The following SOBP variants were observed in gnomAD, a reference collection of about 807,000 sequenced individuals.
The protein encoded by SOBP is sine oculis binding protein homolog.
Under a neutral mutation model 53.6 loss-of-function variants are expected in SOBP, and 4 were observed. That is an observed-to-expected ratio of 0.07 (90% confidence interval 0.04 to 0.17). The LOEUF (loss-of-function observed/expected upper bound fraction) is 0.17, where lower values mean the gene tolerates loss of function less well. SOBP is among the 10% of genes least tolerant of loss of function. The pLI is 1.00. For synonymous variants in SOBP, 584 were observed against 522.6 expected, an observed-to-expected ratio of 1.12 and a Z score of -1.60; for missense variants, 1,088 against 1,204.7, an observed-to-expected ratio of 0.90 and a Z score of 1.43.
chr6:107,506,103 G>C, intron 2 of SOBP, 139 bp from the exon 3 acceptor site: 1 of 743,528 alleles, frequency 1.3e-6, no homozygotes, highest in Non-Finnish European at 2.3e-6. Context: ...GAACTGTGGA[G>C]TTCTAGTACA....
intron 1 of SOBP, among the ~76,000 whole-genome samples, chr6:107,495,305 C>G (rs1261114510): frequency 6.6e-6 from 1 of 152,202 alleles, no homozygotes; most frequent in African/African-American, 2.4e-5. Context: ...AGGCTCCAAG[C>G]TAAACCCATA....
At chr6:107,593,347 C>T (rs192548597) in intron 5 of SOBP, among the ~76,000 whole-genome samples, 1 of 152,292 alleles carries the variant, frequency 6.6e-6, no homozygotes, top group African/African-American at 2.4e-5. Flanking sequence ...CTTTCCAGAG[C>T]ATGGGGGATC....
intron 5 of SOBP, among the ~76,000 whole-genome samples, chr6:107,609,801 C>T (rs966235473): frequency 1.3e-5 from 2 of 152,096 alleles, no homozygotes; most frequent in Non-Finnish European, 2.9e-5. Context: ...CCTAGGGGAG[C>T]GCTAAAGTGG....
At chr6:107,654,036 A>T (rs1014450986) in intron 6 of SOBP, among the ~76,000 whole-genome samples, 4 of 152,238 alleles carry the variant, frequency 2.6e-5, no homozygotes, top group Non-Finnish European at 5.9e-5. Flanking sequence ...TGCTTCCCTG[A>T]TAAAACAGAA....
At chr6:107,617,233 C>T (rs1431360767) in intron 5 of SOBP, among the ~76,000 whole-genome samples, 1 of 152,182 alleles carries the variant, frequency 6.6e-6, no homozygotes, top group African/African-American at 2.4e-5. Flanking sequence ...ATACCTTCCA[C>T]ATCCATTTTC....
intron 5 of SOBP, among the ~76,000 whole-genome samples, chr6:107,607,581 TTA>T (rs1786432952): frequency 6.6e-6 from 1 of 152,214 alleles, no homozygotes; most frequent in Non-Finnish European, 1.5e-5. Flanking sequence ...ATGCTAGCAC[TTA>T]TCAAACTGAA....
At chr6:107,563,679 A>C (rs1784834251) in intron 4 of SOBP, among the ~76,000 whole-genome samples, 1 of 145,120 alleles carries the variant, frequency 6.9e-6, no homozygotes, top group African/African-American at 2.8e-5. Context: ...TTTCTATTGA[A>C]AAAAAAAAAA....
chr6:107,599,060 C>T (rs1040873295), intron 5 of SOBP, among the ~76,000 whole-genome samples: 2 of 151,932 alleles, frequency 1.3e-5, no homozygotes, highest in African/African-American at 4.8e-5. Context: ...GATAGAGTCT[C>T]CAGTACAAGG....
chr6:107,647,900 G>C (rs1272730729), intron 6 of SOBP, among the ~76,000 whole-genome samples: 1 of 152,138 alleles, frequency 6.6e-6, no homozygotes, highest in Admixed American at 6.5e-5. Context: ...AGAGGTTAAA[G>C]GGTTGCAGGA....
chr6:107,653,515 T>A (rs1283764057), intron 6 of SOBP, among the ~76,000 whole-genome samples: 3 of 152,256 alleles, frequency 2.0e-5, no homozygotes, highest in Non-Finnish European at 4.4e-5. Flanking sequence ...GCAAGCTGGC[T>A]GGCAGCAGGC....
intron 3 of SOBP, among the ~76,000 whole-genome samples, chr6:107,533,011 C>T (rs1286631572): frequency 6.6e-6 from 1 of 152,090 alleles, no homozygotes; most frequent in African/African-American, 2.4e-5. Context: ...GGCGTCTGGT[C>T]AAGGTTCACA....
intron 5 of SOBP, among the ~76,000 whole-genome samples, chr6:107,609,228 C>T (rs763620279): frequency 4.6e-5 from 7 of 152,154 alleles, no homozygotes; most frequent in African/African-American, 1.2e-4. Flanking sequence ...TATAAATTCT[C>T]ACACAAATGG....
chr6:107,642,209 G>A, intron 6 of SOBP, among the ~76,000 whole-genome samples: 1 of 152,242 alleles, frequency 6.6e-6, no homozygotes, highest in East Asian at 1.9e-4. Context: ...TAACTGCAGA[G>A]AGTTCTTCTC....
At chr6:107,569,239 A>G (rs931625344) in intron 4 of SOBP, among the ~76,000 whole-genome samples, 2 of 152,232 alleles carry the variant, frequency 1.3e-5, no homozygotes, top group African/African-American at 4.8e-5. Context: ...ACTGCAGAAC[A>G]GTAGGCTGCA....
At chr6:107,578,073 C>CAA (rs11362582) in intron 4 of SOBP, among the ~76,000 whole-genome samples, 45 of 87,248 alleles carry the variant, frequency 5.2e-4, no homozygotes, top group Non-Finnish European at 6.4e-4. Flanking sequence ...GACTCTGTCT[C>CAA]AAAAAAAAAA....
chr6:107,609,951 C>T (rs985253632), intron 5 of SOBP, among the ~76,000 whole-genome samples: 1 of 152,152 alleles, frequency 6.6e-6, no homozygotes, highest in Non-Finnish European at 1.5e-5. Context: ...CCTCTCTTCC[C>T]ACTCTAAATA....
chr6:107,537,803 G>C (rs1341760342), intron 4 of SOBP, among the ~76,000 whole-genome samples: 1 of 138,772 alleles, frequency 7.2e-6, no homozygotes, highest in South Asian at 2.3e-4. Flanking sequence ...CTGGGCAACA[G>C]AGCAAGACCC....
intron 5 of SOBP, among the ~76,000 whole-genome samples, chr6:107,628,318 T>C (rs973173932): frequency 3.3e-5 from 5 of 152,180 alleles, no homozygotes; most frequent in African/African-American, 1.2e-4. Flanking sequence ...TGTGGGCTGG[T>C]TCCTTGTCCC....
intron 5 of SOBP, among the ~76,000 whole-genome samples, chr6:107,599,000 C>T (rs779621999): frequency 4.6e-5 from 7 of 152,022 alleles, no homozygotes; most frequent in East Asian, 1.9e-4. Flanking sequence ...GGGATCAGTA[C>T]GATTTAAACT....
Sources: allele counts gnomAD v4.1 joint callset (sites outside exome capture counted in the v4.1 genomes callset), GRCh38; gene constraint gnomAD v4.1.1; transcripts MANE v1.5; gene names NCBI Gene and HGNC (gene_info 2026-07-23, HGNC 2026-07-21).